The following RALGAPA2 variants were observed in gnomAD, a reference collection of about 807,000 sequenced individuals.
RALGAPA2 encodes ral GTPase-activating protein subunit alpha-2.
In RALGAPA2, 139 loss-of-function variants were observed where a neutral mutation model predicts 230.4. The observed-to-expected ratio is 0.60, with a 90% CI of 0.53 to 0.69. RALGAPA2 has a LOEUF of 0.69. Ranked by LOEUF, RALGAPA2 falls within the 30% of genes least tolerant of loss-of-function variation. RALGAPA2 has a pLI of 0.00. For synonymous variants in RALGAPA2, 847 were observed against 837.8 expected, an observed-to-expected ratio of 1.01 and a Z score of -0.19; for missense variants, 2,163 against 2,276.0, an observed-to-expected ratio of 0.95 and a Z score of 1.01.
chr20:20,587,351 C>T (rs1226664615), intron 18 of RALGAPA2, among the ~76,000 whole-genome samples: 3 of 151,918 alleles, frequency 2.0e-5, no homozygotes, highest in Non-Finnish European at 2.9e-5. Context: ...ATAAGAAACA[C>T]CAAAAGGAGG....
At chr20:20,646,646 A>G (rs1042211258) in intron 4 of RALGAPA2, among the ~76,000 whole-genome samples, 2 of 152,196 alleles carry the variant, frequency 1.3e-5, no homozygotes, top group Non-Finnish European at 2.9e-5. Flanking sequence ...TTGAAGAGGC[A>G]GTAAAAACGT....
At chr20:20,660,374 T>G (rs1315891855) in intron 3 of RALGAPA2, among the ~76,000 whole-genome samples, 3 of 152,254 alleles carry the variant, frequency 2.0e-5, no homozygotes, top group Non-Finnish European at 4.4e-5. Context: ...TTTAAAATTC[T>G]GGTTTCCTTA....
At chr20:20,705,654 T>A (rs1244145223) in intron 1 of RALGAPA2, among the ~76,000 whole-genome samples, 1 of 151,990 alleles carries the variant, frequency 6.6e-6, no homozygotes, top group African/African-American at 2.4e-5. Context: ...TCAAGTTTTG[T>A]TGTTGTTGTT....
chr20:20,417,965 G>T (rs2060199700), intron 37 of RALGAPA2, among the ~76,000 whole-genome samples: 1 of 152,158 alleles, frequency 6.6e-6, no homozygotes, highest in African/African-American at 2.4e-5. Flanking sequence ...AACTCTTTAT[G>T]ACCTTGGGGT....
intron 39 of RALGAPA2, among the ~76,000 whole-genome samples, chr20:20,396,428 A>G (rs1439709188): frequency 6.6e-6 from 1 of 152,274 alleles, no homozygotes; most frequent in Non-Finnish European, 1.5e-5. Context: ...ACAAAAGGGC[A>G]GGCGACAAAG....
chr20:20,536,873 T>A, intron 24 of RALGAPA2, 89 bp from the exon 25 acceptor site: 1 of 1,382,682 alleles, frequency 7.2e-7, no homozygotes, highest in Non-Finnish European at 9.7e-7. Flanking sequence ...TCATCCTAGA[T>A]AAAAAATACC....
At chr20:20,531,650 G>C (rs755361684) in intron 27 of RALGAPA2, 37 bp downstream of exon 27, 161 of 1,461,394 alleles carry the variant, frequency 1.1e-4, no homozygotes, top group Non-Finnish European at 1.4e-4. Context: ...CCTCAGATAT[G>C]GCTTAATATC....
chr20:20,500,602 G>C (rs1400059852), intron 35 of RALGAPA2, among the ~76,000 whole-genome samples: 2 of 152,212 alleles, frequency 1.3e-5, no homozygotes, highest in Non-Finnish European at 2.9e-5. Context: ...CTTCACTGAA[G>C]TCTTGAATCT....
chr20:20,436,716 A>C (rs1319852625), intron 37 of RALGAPA2, among the ~76,000 whole-genome samples: 1 of 152,216 alleles, frequency 6.6e-6, no homozygotes, highest in Non-Finnish European at 1.5e-5. Flanking sequence ...AGTAATCTAA[A>C]TAGAAAAAAG....
Position 20,393,037 on chromosome 20 carries a change from A to T in RALGAPA2, c.*252T>A. 8.0e-7 allele frequency: 1 copy of T among 1,253,572 alleles called. No individual in the cohort carries two copies. Among genetic ancestry groups the T allele is most frequent in the Non-Finnish European group, 1.1e-6 (1 of 940,188 alleles). 77.7% of individuals were successfully genotyped at this position (1,253,572 alleles called of 1,614,324 possible). A position where few individuals can be genotyped will look rare whatever the true frequency, so the allele number is the denominator to read the frequency against. On this transcript the variant is annotated 3_prime_UTR_variant, in exon 40 of 40. Coordinates refer to ENST00000202677, the MANE Select transcript of RALGAPA2 (RefSeq NM_020343.4). ...GTGAGGTTTCAGGACAAGATGATAC[A>T]GCCTAGTTTGAGTCCCATCTGAGAC... is the stretch of plus-strand genomic sequence containing the variant.
intron 37 of RALGAPA2, among the ~76,000 whole-genome samples, chr20:20,454,823 CT>C (rs2061072572): frequency 6.6e-6 from 1 of 152,182 alleles, no homozygotes. Context: ...AGTAAGAATG[CT>C]CTTCAGTTAC....
intron 35 of RALGAPA2, among the ~76,000 whole-genome samples, chr20:20,500,576 A>C (rs530110187): frequency 2.6e-5 from 4 of 152,336 alleles, no homozygotes; most frequent in Non-Finnish European, 5.9e-5. Context: ...ATTTCTGCTA[A>C]ATGTGCAGTG....
At chr20:20,560,438 T>C (rs1332706295) in intron 23 of RALGAPA2, among the ~76,000 whole-genome samples, 1 of 152,252 alleles carries the variant, frequency 6.6e-6, no homozygotes, top group Non-Finnish European at 1.5e-5. Flanking sequence ...TGTGTTTCAG[T>C]AAATAGCATT....
intron 4 of RALGAPA2, among the ~76,000 whole-genome samples, chr20:20,648,594 A>G (rs1266263112): frequency 6.6e-6 from 1 of 152,088 alleles, no homozygotes; most frequent in Admixed American, 6.6e-5. Context: ...TGGGTCAAAG[A>G]TCAGGAGAAT....
intron 37 of RALGAPA2, among the ~76,000 whole-genome samples, chr20:20,456,248 C>G (rs1444327777): frequency 6.6e-6 from 1 of 152,182 alleles, no homozygotes; most frequent in Non-Finnish European, 1.5e-5. Context: ...GATTTTAATC[C>G]AACTAACATC....
rs942056581 is a variant in RALGAPA2, at chr20:20,513,140, T to C, written c.4229A>G (p.His1410Arg). The C allele has an allele frequency of 1.0e-5, 16 of 1,563,332 alleles. No individual in the cohort carries two copies. Among genetic ancestry groups the C allele is most frequent in the Middle Eastern group, 1.7e-4 (1 of 5,786 alleles). ...AAAGGACAGCTCGGAGCCTTCCACA[T>C]GGGCATTGTCATGGTTCTCGCTGAC... ...SLVSENHDNA[H>R]VEGSELSFEV... Residue 1410 changes from histidine (H) to arginine (R), a missense_variant, in exon 32 of 40, where the codon CAT (histidine) becomes CGT (arginine). By Grantham distance (29) the His-to-Arg change is conservative. Transcript: ENST00000202677.
In RALGAPA2 at chr20:20,629,502, C is replaced by A; in HGVS notation, c.1094G>T (p.Ser365Ile). ...GCTGAGTCTTCGGTCCGACAAGGTG[C>A]TGCTGTTAGAATGGCTTTTGTCCTG... ...TEQDKSHSNS[S>I]TLSDRRLSNS... Residue 365 changes from serine to isoleucine, a missense_variant, in exon 10 of 40, where the codon AGC becomes ATC. Transcript: ENST00000202677. 1 of 1,613,970 alleles carries A rather than the reference C, an allele frequency of 6.2e-7. No individual in the cohort carries two copies. Among genetic ancestry groups the A allele is most frequent in the East Asian group, 2.2e-5 (1 of 44,882 alleles).
Position 20,653,598 on chromosome 20 carries a change from A to G in RALGAPA2, c.271-11T>C. The stretch of plus-strand genomic sequence containing the variant: ...AAACTGCAGTATTTTCTATTAAAAA[A>G]AGATATAAAGAAAATAAACAACAAA... On this transcript the variant is annotated splice_polypyrimidine_tract_variant and intron_variant, in intron 3 of 39. Transcript: ENST00000202677. 1 of 1,405,560 alleles carries G rather than the reference A, an allele frequency of 7.1e-7. No individual in the cohort carries two copies. Among genetic ancestry groups the G allele is most frequent in the Non-Finnish European group, 9.8e-7 (1 of 1,023,330 alleles). The allele number at this position is 1,405,560 out of a possible 1,614,324, so 87.1% of individuals were successfully genotyped here.
intron 38 of RALGAPA2, among the ~76,000 whole-genome samples, chr20:20,400,137 G>A (rs2059801748): frequency 6.6e-6 from 1 of 152,190 alleles, no homozygotes; most frequent in African/African-American, 2.4e-5. Flanking sequence ...GGGAACAGGT[G>A]CAGGCAGTGG....
Sources: gnomAD v4.1 joint callset for allele counts (sites outside exome capture counted in the v4.1 genomes callset) on GRCh38, gnomAD v4.1.1 for gene constraint, MANE v1.5 for transcripts, NCBI Gene and HGNC (gene_info 2026-07-23, HGNC 2026-07-21) for gene names.